The following TMEM120B variants were observed in gnomAD, a reference collection of about 807,000 sequenced individuals.
TMEM120B encodes transmembrane protein 120B.
A neutral mutation model predicts 55.5 loss-of-function variants in TMEM120B; 31 were observed. That is an observed-to-expected ratio of 0.56 (90% CI 0.42 to 0.75). The LOEUF (loss-of-function observed/expected upper bound fraction) is 0.75. TMEM120B is among the 30% of genes least tolerant of loss of function. TMEM120B has a pLI of 0.00. For missense variants in TMEM120B, 399 were observed against 425.5 expected (o/e 0.94, Z 0.55); for synonymous variants, 203 against 176.3 (o/e 1.15, Z -1.20).
At chr12:121,757,796 G>A (rs1271170660) in intron 5 of TMEM120B, among the ~76,000 whole-genome samples, 1 of 152,168 alleles carries the variant, frequency 6.6e-6, no homozygotes, top group African/African-American at 2.4e-5. Context: ...GATTACAGGC[G>A]TGAGCCACCA....
In TMEM120B at chr12:121,772,204, C is replaced by T. The variant is rs1481274583; in HGVS notation, c.679+655C>T. On this transcript the variant is annotated intron_variant, in intron 8 of 11. Coordinates refer to ENST00000449592, the MANE Select transcript of TMEM120B (RefSeq NM_001080825.2). ...AGTGCAGTGGCGCGATCTTGGCTCA[C>T]TGCAACCTCCGCCTCCTGGGTTCAA... Among the ~76,000 whole-genome samples, 4 of 151,826 alleles carry T rather than the reference C, an allele frequency of 2.6e-5. No homozygotes were observed. In the East Asian group the frequency reaches 5.8e-4, roughly 22 times the overall value.
intron 6 of TMEM120B, among the ~76,000 whole-genome samples, chr12:121,766,097 C>T (rs903735378): frequency 1.3e-5 from 2 of 152,114 alleles, no homozygotes; most frequent in Non-Finnish European, 2.9e-5. Context: ...CCCTACGGGC[C>T]TCCTGGGGGC....
intron 8 of TMEM120B, among the ~76,000 whole-genome samples, chr12:121,772,036 TTTCTCTTTCTTTC>T (rs1351882540): frequency 8.7e-6 from 1 of 114,304 alleles, no homozygotes; most frequent in East Asian, 3.3e-4. Context: ...CCTTTCTTTC[TTTCTCTTTCTTTC>T]TTTCTTTTTC....
chr12:121,781,388 T>A lies in TMEM120B; in HGVS notation c.*5666T>A. On this transcript the variant is annotated 3_prime_UTR_variant, in exon 12 of 12. Transcript: ENST00000449592. ...CGGGAGGCTGAGGCCGGAGGATCGC[T>A]TGAGCCCAGGAGGTCAAGGCTACAG... 1.8e-6 allele frequency: 1 copy of A among 562,684 alleles called. No individual in the cohort carries two copies. Among genetic ancestry groups the A allele is most frequent in the Non-Finnish European group, 3.2e-6 (1 of 314,392 alleles). The allele number at this position is 562,684 out of a possible 1,614,324, so 34.9% of individuals were successfully genotyped here.
chr12:121,774,015 G>A (rs1874153960), intron 9 of TMEM120B, among the ~76,000 whole-genome samples: 1 of 146,264 alleles, frequency 6.8e-6, no homozygotes, highest in Non-Finnish European at 1.5e-5. Context: ...CATTGCAGTG[G>A]CACGATCTCT....
At chr12:121,731,271 A>T (rs1049653832) in intron 1 of TMEM120B, among the ~76,000 whole-genome samples, 3 of 151,854 alleles carry the variant, frequency 2.0e-5, no homozygotes, top group Admixed American at 6.6e-5. Flanking sequence ...TATTTTTTTC[A>T]GGCGTAGTCT....
At chr12:121,713,858 G>T (rs1894646034) in intron 1 of TMEM120B, among the ~76,000 whole-genome samples, 2 of 152,122 alleles carry the variant, frequency 1.3e-5, no homozygotes, top group Admixed American at 1.3e-4. Context: ...TTGTTTTTCG[G>T]GGGGTTGGCT....
intron 1 of TMEM120B, among the ~76,000 whole-genome samples, chr12:121,714,812 G>A (rs1400973612): frequency 5.3e-5 from 8 of 151,268 alleles, no homozygotes; most frequent in Middle Eastern, 3.4e-3. Flanking sequence ...TGCCTGCCTC[G>A]GCCTCCCAAA....
intron 6 of TMEM120B, among the ~76,000 whole-genome samples, chr12:121,768,650 A>G (rs1441192198): frequency 6.6e-6 from 1 of 152,100 alleles, no homozygotes. Context: ...GGGAGGAGGG[A>G]GTTGGCTGCT....
chr12:121,717,815 T>G (rs2720029), intron 1 of TMEM120B, among the ~76,000 whole-genome samples: 144,328 of 152,152 alleles, frequency 0.95, 68,597 homozygotes, highest in Middle Eastern at 1. Context: ...GTGCCACCAC[T>G]CCTGGCTAAT....
chr12:121,727,181 T>C (rs1894912225), intron 1 of TMEM120B, among the ~76,000 whole-genome samples: 1 of 152,058 alleles, frequency 6.6e-6, no homozygotes, highest in Non-Finnish European at 1.5e-5. Flanking sequence ...GGGGTGCTGC[T>C]TAGTTCCTGG....
At chr12:121,736,415 G>A (rs1195271858) in intron 1 of TMEM120B, among the ~76,000 whole-genome samples, 5 of 150,268 alleles carry the variant, frequency 3.3e-5, no homozygotes, top group African/African-American at 9.8e-5. Context: ...TGATCCGCCC[G>A]CCTTGGCCTC....
chr12:121,762,186 T>G (rs576452545), intron 6 of TMEM120B, among the ~76,000 whole-genome samples: 1 of 150,186 alleles, frequency 6.7e-6, no homozygotes, highest in East Asian at 2.0e-4. Flanking sequence ...TGAGGCAGAA[T>G]AGCGTGAACC....
Position 121,712,850 on chromosome 12 carries a change from C to CGCTGCGGGAGCA in TMEM120B, c.-43_-32dup. The CGCTGCGGGAGCA allele has an allele frequency of 7.2e-7, 1 of 1,381,862 alleles. No individual in the cohort carries two copies. Among genetic ancestry groups the CGCTGCGGGAGCA allele is most frequent in the South Asian group, 1.7e-5 (1 of 57,572 alleles). 85.6% of individuals were successfully genotyped at this position (1,381,862 alleles called of 1,614,324 possible). ...GGGCGCTGGGGGGCCGGTCGGGCAG[C>CGCTGCGGGAGCA]GCTGCGGGAGCAGCCGCCGGCACCG... is the stretch of plus-strand genomic sequence containing the variant. On this transcript the variant is annotated 5_prime_UTR_variant, in exon 1 of 12. Transcript: ENST00000449592.
rs573407816 is a variant in TMEM120B, at chr12:121,781,920, C to T, written c.*6198C>T. On this transcript the variant is annotated 3_prime_UTR_variant, in exon 12 of 12. Coordinates refer to ENST00000449592, the MANE Select transcript of TMEM120B (RefSeq NM_001080825.2). ...AATCCGGAGGCCGTGACGCCTGGCT[C>T]CGCCCCGAGACGAGCTGAATCCAAA... 6.6e-6 allele frequency: 1 copy of T among 152,354 alleles called. No homozygotes were observed. The highest frequency in any genetic ancestry group is 2.4e-5 in the African/African-American group (1 of 41,580). 9.4% of individuals were successfully genotyped at this position (152,354 alleles called of 1,614,324 possible).
intron 6 of TMEM120B, among the ~76,000 whole-genome samples, chr12:121,768,150 G>A (rs1873908638): frequency 6.6e-6 from 1 of 152,154 alleles, no homozygotes; most frequent in East Asian, 1.9e-4. Context: ...GGAGTTTTCT[G>A]GGGACAAAGA....
intron 6 of TMEM120B, among the ~76,000 whole-genome samples, chr12:121,762,833 C>T (rs565602965): frequency 2.0e-5 from 3 of 152,262 alleles, no homozygotes; most frequent in East Asian, 3.9e-4. Flanking sequence ...TCCTGGGTTC[C>T]GGTCCCAGTG....
At chr12:121,761,863 C>A in intron 6 of TMEM120B, 125 bp downstream of exon 6, 1 of 686,984 alleles carries the variant, frequency 1.5e-6, no homozygotes, top group Non-Finnish European at 2.6e-6. Context: ...TGCTCTGTGA[C>A]TGTTCAGATC....
At chr12:121,744,645 C>T (rs1430465416) in intron 2 of TMEM120B, among the ~76,000 whole-genome samples, 2 of 152,174 alleles carry the variant, frequency 1.3e-5, no homozygotes, top group Non-Finnish European at 2.9e-5. Flanking sequence ...TGGGAAGTCC[C>T]CTCCTGCCTG....
Sources: allele counts gnomAD v4.1 joint callset (sites outside exome capture counted in the v4.1 genomes callset), GRCh38; gene constraint gnomAD v4.1.1; transcripts MANE v1.5; gene names NCBI Gene and HGNC (gene_info 2026-07-23, HGNC 2026-07-21).